Variants in APBA2 observed in about 807,000 individuals in gnomAD.
The protein encoded by APBA2 is amyloid-beta A4 precursor protein-binding family A member 2.
Under a neutral mutation model 75.0 loss-of-function variants are expected in APBA2, and 30 were observed. That is an observed-to-expected ratio of 0.40 (90% CI 0.30 to 0.54). The LOEUF (loss-of-function observed/expected upper bound fraction) is 0.54, where lower values mean the gene tolerates loss of function less well. Ranked by LOEUF, APBA2 falls within the 20% of genes least tolerant of loss-of-function variation. The pLI is 0.49. For synonymous variants in APBA2, 444 were observed against 409.6 expected, an observed-to-expected ratio of 1.08 and a Z score of -1.01; for missense variants, 801 against 1,016.1, an observed-to-expected ratio of 0.79 and a Z score of 2.88.
chr15:28,950,428 C>T (rs4439729), intron 2 of APBA2, among the ~76,000 whole-genome samples: 40,171 of 151,760 alleles, frequency 0.26, 9,514 homozygotes, highest in African/African-American at 0.61. Flanking sequence ...GAGATCGAGA[C>T]CATCTTGGCT....
chr15:28,983,603 C>T (rs1265766613), intron 2 of APBA2, among the ~76,000 whole-genome samples: 1 of 152,238 alleles, frequency 6.6e-6, no homozygotes, highest in African/African-American at 2.4e-5. Context: ...AAGGTGGCCT[C>T]CAGGAGCGCT....
At chr15:29,103,284 G>T (rs1422491191) in intron 10 of APBA2, among the ~76,000 whole-genome samples, 2 of 152,210 alleles carry the variant, frequency 1.3e-5, no homozygotes, top group Admixed American at 6.5e-5. Flanking sequence ...AGGCCGCAGG[G>T]TGGTCCTGCC....
chr15:28,934,912 G>C lies in APBA2; in HGVS notation c.-95+13163G>C, dbSNP rs759915154. Among the ~76,000 whole-genome samples the C allele has an allele frequency of 1.5e-3, 228 of 152,320 alleles. 3 individuals are homozygous for C. The highest frequency in any genetic ancestry group is 9.0e-4 in the Non-Finnish European group (61 of 68,018). ...AGGTCCCTGAACTGGGATAGAGCCCGGAGACCTGGGTGTCCTCTGCTCTGT... is the reference window on the plus strand; with the variant it reads ...AGGTCCCTGAACTGGGATAGAGCCCCGAGACCTGGGTGTCCTCTGCTCTGT... On this transcript the variant is annotated intron_variant, in intron 2 of 14. Transcript: ENST00000683413.
At chr15:29,011,025 A>G (rs1175766313) in intron 3 of APBA2, among the ~76,000 whole-genome samples, 1 of 152,156 alleles carries the variant, frequency 6.6e-6, no homozygotes, top group Non-Finnish European at 1.5e-5. Flanking sequence ...TCCTTGCCCC[A>G]GCCTCTGGGA....
At position 29,095,758 on chromosome 15, in the gene APBA2, C is replaced by T. The variant is rs550645493; in HGVS notation, c.1251+1445C>T. 5.3e-5 allele frequency among the ~76,000 whole-genome samples: 8 copies of T among 152,368 alleles called. No individual in the cohort carries two copies. In the South Asian group the frequency reaches 1.7e-3, roughly 32 times the overall value. ...TCTGCCTTTTGCCCAGCAGCGTCTC[C>T]TTTGATTCTGCTCAGGAGCAGGAGA... On this transcript the variant is annotated intron_variant, in intron 8 of 14. Transcript: ENST00000683413.
chr15:29,004,343 C>A (rs998041466), intron 3 of APBA2, among the ~76,000 whole-genome samples: 1 of 152,194 alleles, frequency 6.6e-6, no homozygotes, highest in Non-Finnish European at 1.5e-5. Context: ...TCTTTGCACT[C>A]CATGCCCCAG....
intron 1 of APBA2, among the ~76,000 whole-genome samples, chr15:28,914,763 G>A (rs2033588151): frequency 6.6e-6 from 1 of 151,970 alleles, no homozygotes; most frequent in Non-Finnish European, 1.5e-5. Flanking sequence ...GACACAGCTC[G>A]TTCTTTCCTC....
At chr15:28,993,587 G>C (rs181244933) in intron 2 of APBA2, among the ~76,000 whole-genome samples, 1 of 152,226 alleles carries the variant, frequency 6.6e-6, no homozygotes, top group East Asian at 1.9e-4. Flanking sequence ...ATGGAGTGAA[G>C]ACATGGGCCT....
At chr15:29,097,598 T>G (rs2043912339) in intron 8 of APBA2, among the ~76,000 whole-genome samples, 1 of 152,266 alleles carries the variant, frequency 6.6e-6, no homozygotes, top group South Asian at 2.1e-4. Flanking sequence ...TTGGAGCATA[T>G]ACACATTGTG....
rs376763849 is a variant in APBA2, at chr15:28,942,904, G to A, written c.-95+21155G>A. Reference sequence around the variant, plus strand: ...GCCCGTGGCCGCTGGAGCAGCCCCTGAGCGACTCTGCTCCTTCCTGGGCCT... The same window carrying A: ...GCCCGTGGCCGCTGGAGCAGCCCCTAAGCGACTCTGCTCCTTCCTGGGCCT... On this transcript the variant is annotated intron_variant, in intron 2 of 14. Transcript: ENST00000683413. 2.1e-3 allele frequency among the ~76,000 whole-genome samples: 323 copies of A among 152,316 alleles called. 2 individuals carry two copies. Among genetic ancestry groups the A allele is most frequent in the African/African-American group, 7.2e-3 (301 of 41,580 alleles).
chr15:29,041,246 G>A (rs950072316), intron 3 of APBA2, among the ~76,000 whole-genome samples: 3 of 147,346 alleles, frequency 2.0e-5, no homozygotes, highest in Non-Finnish European at 3.0e-5. Flanking sequence ...GCCAAGGTGG[G>A]AGGATCATTG....
chr15:28,931,469 G>GA (rs2034560123), intron 2 of APBA2, among the ~76,000 whole-genome samples: 1 of 152,218 alleles, frequency 6.6e-6, no homozygotes, highest in Non-Finnish European at 1.5e-5. Flanking sequence ...GATGAGGGAT[G>GA]ACCTTGCGTC....
At chr15:29,014,529 G>A (rs1162851123) in intron 3 of APBA2, among the ~76,000 whole-genome samples, 1 of 152,132 alleles carries the variant, frequency 6.6e-6, no homozygotes, top group African/African-American at 2.4e-5. Context: ...AAAAAATGCA[G>A]TTTCTCTATT....
At chr15:29,114,546 G>T (rs1439632577) in intron 14 of APBA2, among the ~76,000 whole-genome samples, 2 of 152,112 alleles carry the variant, frequency 1.3e-5, no homozygotes, top group Admixed American at 6.5e-5. Context: ...ACATACACCG[G>T]GGGAGGCCTG....
chr15:28,971,922 C>G (rs565841453), intron 2 of APBA2, among the ~76,000 whole-genome samples: 1 of 152,094 alleles, frequency 6.6e-6, no homozygotes, highest in South Asian at 2.1e-4. Flanking sequence ...AAATGTGTAG[C>G]AAAATGCTGG....
chr15:28,905,826 A>AT (rs1284655630), intron 1 of APBA2, among the ~76,000 whole-genome samples: 1 of 152,230 alleles, frequency 6.6e-6, no homozygotes, highest in Non-Finnish European at 1.5e-5. Context: ...GGCGTCTAAC[A>AT]TGCTAGATTT....
chr15:29,109,389 T>C (rs544971287), intron 13 of APBA2, among the ~76,000 whole-genome samples: 13 of 152,286 alleles, frequency 8.5e-5, no homozygotes, highest in African/African-American at 3.1e-4. Context: ...CAAATCTCCA[T>C]ATACTGAGAG....
At chr15:29,040,518 G>C (rs59583035) in intron 3 of APBA2, among the ~76,000 whole-genome samples, 5,620 of 152,266 alleles carry the variant, frequency 0.037, 222 homozygotes, top group East Asian at 0.19. Flanking sequence ...TAGAAACCGT[G>C]GCCCGGGTCC....
intron 6 of APBA2, among the ~76,000 whole-genome samples, chr15:29,086,848 T>C (rs886410637): frequency 1.3e-5 from 2 of 152,246 alleles, no homozygotes; most frequent in African/African-American, 4.8e-5. Flanking sequence ...TATAAAATAA[T>C]TACATGGTAT....
Sources: allele counts gnomAD v4.1 joint callset (sites outside exome capture counted in the v4.1 genomes callset), GRCh38; gene constraint gnomAD v4.1.1; transcripts MANE v1.5; gene names NCBI Gene and HGNC (gene_info 2026-07-23, HGNC 2026-07-21).